The following NRXN1 variants were observed in gnomAD, a reference collection of about 807,000 sequenced individuals.
NRXN1 encodes neurexin 1.
NRXN1 carries 39 observed loss-of-function variants against 150.9 expected under a neutral mutation model. The observed-to-expected ratio is 0.26, with a 90% CI of 0.20 to 0.34. The LOEUF is 0.34. NRXN1 is among the 10% of genes least tolerant of loss of function. The pLI is 1.00. For synonymous variants in NRXN1, 924 were observed against 757.0 expected, an observed-to-expected ratio of 1.22 and a Z score of -3.62; for missense variants, 1,815 against 1,949.9, an observed-to-expected ratio of 0.93 and a Z score of 1.30.
chr2:50,914,298 T>C (rs1177343823), intron 5 of NRXN1, among the ~76,000 whole-genome samples: 2 of 151,678 alleles, frequency 1.3e-5, no homozygotes, highest in Non-Finnish European at 3.0e-5. Context: ...TTTATATTTA[T>C]TTTAGTGAAA....
chr2:50,683,646 A>AAAAAAAAATATAT lies in NRXN1; in HGVS notation c.833-60032_833-60031insATATATTTTTTTT. Among the ~76,000 whole-genome samples the AAAAAAAAATATAT allele has an allele frequency of 1.3e-3, 20 of 14,906 alleles. 2 individuals are homozygous for AAAAAAAAATATAT. Among genetic ancestry groups the AAAAAAAAATATAT allele is most frequent in the South Asian group, 6.2e-3 (1 of 162 alleles). The allele number at this position is 14,906 out of a possible 152,430, so 9.8% of individuals were successfully genotyped here. ...GACTCCGTCTCAAAAAAAAAAAAAAAATATATATATATATATATATGTTAT... is the reference window on the plus strand; with the variant it reads ...GACTCCGTCTCAAAAAAAAAAAAAAAAAAAAAAATATATATATATATATATATATATATGTTAT... On this transcript the variant is annotated intron_variant, in intron 5 of 22. Transcript: ENST00000401669.
intron 8 of NRXN1, among the ~76,000 whole-genome samples, chr2:50,598,137 C>G (rs1490270779): frequency 6.8e-6 from 1 of 147,626 alleles, no homozygotes; most frequent in Non-Finnish European, 1.5e-5. Flanking sequence ...AACTGCGTCT[C>G]AAAGAAAAAA....
At chr2:51,000,334 A>C (rs995512065) in intron 2 of NRXN1, among the ~76,000 whole-genome samples, 1 of 151,992 alleles carries the variant, frequency 6.6e-6, no homozygotes, top group African/African-American at 2.4e-5. Flanking sequence ...AACATCAATT[A>C]CATTATACAT....
intron 5 of NRXN1, among the ~76,000 whole-genome samples, chr2:50,880,649 G>C (rs1679297524): frequency 6.6e-6 from 1 of 151,878 alleles, no homozygotes; most frequent in African/African-American, 2.4e-5. Flanking sequence ...ATTTGCACGA[G>C]GTTAACAGAA....
At chr2:50,823,507 A>G (rs1432195639) in intron 5 of NRXN1, among the ~76,000 whole-genome samples, 1 of 152,200 alleles carries the variant, frequency 6.6e-6, no homozygotes, top group Non-Finnish European at 1.5e-5. Context: ...TAGCAGAGGC[A>G]ACATCAACAT....
At chr2:50,210,163 C>T (rs1297212940) in intron 18 of NRXN1, among the ~76,000 whole-genome samples, 1 of 151,844 alleles carries the variant, frequency 6.6e-6, no homozygotes, top group East Asian at 1.9e-4. Context: ...AAACTTTTGC[C>T]TAAAGAATAG....
At chr2:49,929,843 A>G (rs929953873) in intron 22 of NRXN1, among the ~76,000 whole-genome samples, 1 of 152,200 alleles carries the variant, frequency 6.6e-6, no homozygotes, top group East Asian at 1.9e-4. Flanking sequence ...AACTTGATGT[A>G]TATGTCCTCA....
chr2:50,623,698 C>G, intron 5 of NRXN1, 83 bp from the exon 6 acceptor site: 1 of 941,610 alleles, frequency 1.1e-6, no homozygotes, highest in Non-Finnish European at 1.6e-6. Context: ...AATAGCTAAT[C>G]ACTCCCCAAA....
chr2:51,025,880 T>C (rs567324295), intron 2 of NRXN1, among the ~76,000 whole-genome samples: 10 of 152,188 alleles, frequency 6.6e-5, no homozygotes, highest in Non-Finnish European at 1.5e-4. Context: ...CAGTTTTCTA[T>C]AATTACCTAA....
intron 5 of NRXN1, among the ~76,000 whole-genome samples, chr2:50,724,484 G>A (rs1330137879): frequency 6.6e-6 from 1 of 151,980 alleles, no homozygotes; most frequent in Non-Finnish European, 1.5e-5. Flanking sequence ...TATTTTAGTT[G>A]TAGCTCTTTA....
chr2:50,323,730 T>A (rs965192868), intron 17 of NRXN1, among the ~76,000 whole-genome samples: 1 of 152,170 alleles, frequency 6.6e-6, no homozygotes, highest in Admixed American at 6.5e-5. Flanking sequence ...TTCCTCTAAG[T>A]CCTTTTCCAA....
Position 50,969,395 on chromosome 2 carries a change from TAGTA to T in NRXN1, c.773-43444_773-43441del, listed in dbSNP as rs1466025927. On this transcript the variant is annotated intron_variant, in intron 2 of 22. Transcript: ENST00000401669. ...TTTGTATCTCAAATGTCATTACACA[TAGTA>T]AATGATTAATAAATGCTGGTTGGTA... Among the ~76,000 whole-genome samples, 5 of 152,268 alleles carry T rather than the reference TAGTA, an allele frequency of 3.3e-5. No homozygotes were observed. In the East Asian group the frequency reaches 9.7e-4, roughly 29 times the overall value.
Position 49,967,451 on chromosome 2 carries a change from A to G in NRXN1, c.4129-23660T>C, listed in dbSNP as rs555927237. 6.6e-5 allele frequency among the ~76,000 whole-genome samples: 10 copies of G among 152,190 alleles called. No homozygotes were observed. The East Asian group carries it at 1.9e-3, about 29-fold the overall frequency. ...TTCAACAAAGAAAAATACAACCACA[A>G]CCAAAACAAGCAACCTACAAATTCC... On this transcript the variant is annotated intron_variant, in intron 21 of 22. Coordinates refer to ENST00000401669, the MANE Select transcript of NRXN1 (RefSeq NM_001330078.2).
chr2:50,064,060 T>C (rs1276798460), intron 19 of NRXN1, among the ~76,000 whole-genome samples: 1 of 152,164 alleles, frequency 6.6e-6, no homozygotes, highest in Non-Finnish European at 1.5e-5. Flanking sequence ...AATAGAACTT[T>C]GCAAAACGTT....
chr2:50,790,135 C>CCACACATA (rs1554081439), intron 5 of NRXN1, among the ~76,000 whole-genome samples: 1 of 146,854 alleles, frequency 6.8e-6, no homozygotes, highest in Non-Finnish European at 1.5e-5. Context: ...TTCCCTCCCA[C>CCACACATA]CACACACACA....
At chr2:50,203,197 G>T (rs1006214015) in intron 18 of NRXN1, among the ~76,000 whole-genome samples, 3 of 152,242 alleles carry the variant, frequency 2.0e-5, no homozygotes, top group South Asian at 2.1e-4. Flanking sequence ...TGAAAACTCA[G>T]TATCTTTTTA....
chr2:50,647,028 T>C (rs545790865), intron 5 of NRXN1, among the ~76,000 whole-genome samples: 5 of 151,976 alleles, frequency 3.3e-5, no homozygotes, highest in African/African-American at 1.2e-4. Flanking sequence ...GGGCAATTTT[T>C]TTTTTTTCAA....
At chr2:50,931,654 G>C (rs1687765910) in intron 2 of NRXN1, among the ~76,000 whole-genome samples, 1 of 150,680 alleles carries the variant, frequency 6.6e-6, no homozygotes, top group Non-Finnish European at 1.5e-5. Flanking sequence ...AAAAGGATTT[G>C]ATTTTTCATT....
intron 5 of NRXN1, among the ~76,000 whole-genome samples, chr2:50,629,715 T>C (rs955823131): frequency 2.6e-5 from 4 of 151,794 alleles, no homozygotes; most frequent in African/African-American, 9.6e-5. Flanking sequence ...GAAGACACTA[T>C]TCCTATTAAT....
Sources: allele counts gnomAD v4.1 joint callset (sites outside exome capture counted in the v4.1 genomes callset), GRCh38; gene constraint gnomAD v4.1.1; transcripts MANE v1.5; gene names NCBI Gene and HGNC (gene_info 2026-07-23, HGNC 2026-07-21).